Variants in UCHL1 observed in about 807,000 individuals in gnomAD.
The protein encoded by UCHL1 is ubiquitin C-terminal hydrolase L1.
UCHL1 carries 5 observed loss-of-function variants against 33.3 expected under a neutral mutation model. That is an observed-to-expected ratio of 0.15 (90% confidence interval 0.08 to 0.32). UCHL1 has a LOEUF of 0.32. Among genes scored for constraint, UCHL1 ranks in the 10% least tolerant of loss-of-function variants. The pLI, the probability that UCHL1 is intolerant of heterozygous loss-of-function variation, is 1.00. For missense variants in UCHL1, 236 were observed against 280.0 expected, an observed-to-expected ratio of 0.84 and a Z score of 1.12; for synonymous variants, 132 against 108.8, an observed-to-expected ratio of 1.21 and a Z score of -1.33.
rs746488910 is a variant in UCHL1 at position 41,263,244 on chromosome 4, T to A, written c.479T>A (p.Phe160Tyr). The A allele has an allele frequency of 1.2e-6, 2 of 1,614,150 alleles. No individual in the cohort carries two copies. Among genetic ancestry groups the A allele is most frequent in the South Asian group, 2.2e-5 (2 of 91,084 alleles). Residue 160 changes from phenylalanine (F) to tyrosine (Y), a missense_variant, in exon 7 of 9, where the codon TTC (phenylalanine) becomes TAC (tyrosine). Coordinates refer to ENST00000284440, the MANE Select transcript of UCHL1 (RefSeq NM_004181.5). ...CTTTAGGTAGATGACAAGGTGAATTTCCATTTTATTCTGTTTAACAACGTG... is the reference window on the plus strand; with the variant it reads ...CTTTAGGTAGATGACAAGGTGAATTACCATTTTATTCTGTTTAACAACGTG... ...GQCRVDDKVN[F>Y]HFILFNNVDG...
At chr4:41,257,509 T>C (rs1231734108) in intron 2 of UCHL1, 100 bp from the exon 3 acceptor site, 12 of 1,347,456 alleles carry the variant, frequency 8.9e-6, no homozygotes, top group Non-Finnish European at 4.7e-6. Flanking sequence ...CAGGCTCGGG[T>C]GCGGGCGCGG....
At chr4:41,263,349 A>G in intron 7 of UCHL1, 58 bp downstream of exon 7, 1 of 1,472,900 alleles carries the variant, frequency 6.8e-7, no homozygotes, top group Non-Finnish European at 9.5e-7. Flanking sequence ...TTCAGACTGA[A>G]TTTCTCTTGA....
chr4:41,263,740 A>G (rs1472293668), intron 7 of UCHL1, among the ~76,000 whole-genome samples: 2 of 152,238 alleles, frequency 1.3e-5, no homozygotes, highest in Non-Finnish European at 2.9e-5. Context: ...AAGGCAATCT[A>G]CAGTCATTGG....
At chr4:41,267,710 G>C (rs931802581) in intron 8 of UCHL1, among the ~76,000 whole-genome samples, 5 of 152,030 alleles carry the variant, frequency 3.3e-5, no homozygotes, top group Admixed American at 2.0e-4. Context: ...TTGTTGTTGG[G>C]TTTTTTTGTT....
chr4:41,262,972 G>A (rs1368272840), intron 6 of UCHL1, among the ~76,000 whole-genome samples: 1 of 136,180 alleles, frequency 7.3e-6, no homozygotes, highest in Non-Finnish European at 1.8e-5. Context: ...GGTTGAGATA[G>A]TTAGCCTCTC....
At chr4:41,259,741 C>T (rs909573471) in intron 3 of UCHL1, among the ~76,000 whole-genome samples, 8 of 152,130 alleles carry the variant, frequency 5.3e-5, no homozygotes, top group African/African-American at 1.7e-4. Context: ...TTTTTAGAGA[C>T]AAGGTCTCAA....
chr4:41,263,976 AC>A, intron 7 of UCHL1, 126 bp from the exon 8 acceptor site: 1 of 1,221,414 alleles, frequency 8.2e-7, no homozygotes, highest in Non-Finnish European at 1.2e-6. Flanking sequence ...TTGCTTCATA[AC>A]CAGGCTTCCT....
intron 8 of UCHL1, among the ~76,000 whole-genome samples, chr4:41,265,179 C>A (rs889556727): frequency 2.6e-5 from 4 of 152,054 alleles, no homozygotes; most frequent in African/African-American, 9.7e-5. Flanking sequence ...TTATAGAAAT[C>A]CTTTAATGAC....
At chr4:41,261,230 A>G (rs555066932) in intron 4 of UCHL1, among the ~76,000 whole-genome samples, 1 of 152,198 alleles carries the variant, frequency 6.6e-6, no homozygotes, top group South Asian at 2.1e-4. Flanking sequence ...TGAATTTTCT[A>G]CCCCATAATC....
At chr4:41,267,873 A>G in intron 8 of UCHL1, 114 bp from the exon 9 acceptor site, 1 of 942,700 alleles carries the variant, frequency 1.1e-6, no homozygotes, top group Non-Finnish European at 1.7e-6. Flanking sequence ...TAATGATGGA[A>G]TTAAAGTTGA....
At chr4:41,258,194 G>T (rs369546427) in intron 3 of UCHL1, among the ~76,000 whole-genome samples, 2 of 152,190 alleles carry the variant, frequency 1.3e-5, no homozygotes, top group Non-Finnish European at 2.9e-5. Flanking sequence ...AATTAGGTTC[G>T]CTAATTCTCC....
chr4:41,266,226 C>CGTTTTTTTTTTTTTT (rs1554005212), intron 8 of UCHL1, among the ~76,000 whole-genome samples: 1 of 136,804 alleles, frequency 7.3e-6, no homozygotes. Flanking sequence ...CTGGCTAAAA[C>CGTTTTTTTTTTTTTT]TTTTTTTTTT....
intron 6 of UCHL1, 61 bp from the exon 7 acceptor site, chr4:41,263,164 G>A (rs1781100243): frequency 3.0e-6 from 4 of 1,319,218 alleles, no homozygotes; most frequent in Non-Finnish European, 4.4e-6. Context: ...CACTTGAATT[G>A]CAAGATAATT....
intron 4 of UCHL1, 109 bp downstream of exon 4, chr4:41,260,906 T>C (rs1781059400): frequency 6.8e-7 from 1 of 1,477,088 alleles, no homozygotes; most frequent in Admixed American, 1.7e-5. Flanking sequence ...GAAACCATTT[T>C]GTAATGATGG....
At chr4:41,257,248 G>A (rs1051039320) in intron 2 of UCHL1, 122 bp downstream of exon 2, 281 of 1,482,122 alleles carry the variant, frequency 1.9e-4, no homozygotes, top group Non-Finnish European at 2.4e-4. Flanking sequence ...AGACGGCCGG[G>A]CTGGGGCGTG....
At chr4:41,262,267 G>A (rs1278645634) in intron 6 of UCHL1, among the ~76,000 whole-genome samples, 1 of 152,104 alleles carries the variant, frequency 6.6e-6, no homozygotes, top group Admixed American at 6.5e-5. Context: ...TTTGAGACCA[G>A]CTTGGCCAAC....
rs918013729 is a variant in UCHL1, at chr4:41,262,066, G to C, written c.459+143G>C. On this transcript the variant is annotated intron_variant, in intron 6 of 8. Coordinates refer to ENST00000284440, the MANE Select transcript of UCHL1 (RefSeq NM_004181.5). ...CACCAGAAAGTTCTACCCAAATAATGCTTTGACTAGACCTGTTCATAAAAA... is the reference window on the plus strand; with the variant it reads ...CACCAGAAAGTTCTACCCAAATAATCCTTTGACTAGACCTGTTCATAAAAA... 6.7e-6 allele frequency: 8 copies of C among 1,186,458 alleles called. No homozygotes were observed. In the Admixed American group the frequency reaches 1.6e-4, roughly 24 times the overall value. 73.5% of individuals were successfully genotyped at this position (1,186,458 alleles called of 1,614,324 possible).
intron 8 of UCHL1, among the ~76,000 whole-genome samples, chr4:41,267,177 T>C (rs1283979661): frequency 6.6e-6 from 1 of 152,148 alleles, no homozygotes; most frequent in African/African-American, 2.4e-5. Context: ...TCACCATCAA[T>C]CTCTAAGGTT....
At chr4:41,261,627 G>A (rs566688775) in intron 4 of UCHL1, 88 bp from the exon 5 acceptor site, 6 of 1,418,422 alleles carry the variant, frequency 4.2e-6, no homozygotes, top group Non-Finnish European at 5.9e-6. Flanking sequence ...AGGTTGCTCA[G>A]CATGTTCAGC....
Sources: allele counts gnomAD v4.1 joint callset (sites outside exome capture counted in the v4.1 genomes callset), GRCh38; gene constraint gnomAD v4.1.1; transcripts MANE v1.5; gene names NCBI Gene and HGNC (gene_info 2026-07-23, HGNC 2026-07-21).